Variants in FNDC3A observed in about 807,000 individuals in gnomAD.
FNDC3A encodes fibronectin type III domain containing 3A.
Under a neutral mutation model 148.9 loss-of-function variants are expected in FNDC3A, and 32 were observed. The observed-to-expected ratio is 0.21, with a 90% CI of 0.16 to 0.29. The LOEUF is 0.29. Among genes scored for constraint, FNDC3A ranks in the 10% least tolerant of loss-of-function variants. The pLI, the probability that FNDC3A is intolerant of heterozygous loss-of-function variation, is 1.00. For synonymous variants in FNDC3A, 472 were observed against 473.6 expected (o/e 1.00, Z 0.04); for missense variants, 1,191 against 1,452.8 (o/e 0.82, Z 2.93).
At position 49,003,720 on chromosome 13, in the gene FNDC3A, C is replaced by T. The variant is rs1593458199; in HGVS notation, c.-39-2432C>T. ...TCTGCAACCTCTCTGACATTTAAAA[C>T]AACATTGTTTAATTTGACACTAATT... On this transcript the variant is annotated intron_variant, in intron 1 of 25. Transcript: ENST00000492622. Among the ~76,000 whole-genome samples the T allele has an allele frequency of 2.0e-5, 3 of 152,120 alleles. No individual in the cohort carries two copies. The East Asian group carries it at 5.8e-4, about 29-fold the overall frequency.
rs535819057 is a variant in FNDC3A at position 49,008,493 on chromosome 13, A to G, written c.99+2204A>G. Among the ~76,000 whole-genome samples the G allele has an allele frequency of 3.9e-5, 6 of 152,278 alleles. No individual in the cohort carries two copies. In the South Asian group the frequency reaches 6.2e-4, roughly 16 times the overall value. On this transcript the variant is annotated intron_variant, in intron 2 of 25. Coordinates refer to ENST00000492622, the MANE Select transcript of FNDC3A (RefSeq NM_001079673.2). ...ACAAGCATGATGTTAAAAATTCAAG[A>G]CGACATATTTTGTCCCTTGTCTTGA...
chr13:49,189,822 G>T (rs1300140393), intron 17 of FNDC3A, among the ~76,000 whole-genome samples: 1 of 152,186 alleles, frequency 6.6e-6, no homozygotes, highest in Non-Finnish European at 1.5e-5. Flanking sequence ...CAAATATTTT[G>T]TGTTTAAAAA....
At chr13:49,049,475 A>G (rs756729549) in intron 2 of FNDC3A, among the ~76,000 whole-genome samples, 8 of 151,184 alleles carry the variant, frequency 5.3e-5, no homozygotes, top group East Asian at 1.9e-4. Flanking sequence ...TTCATTACCA[A>G]TTCAGCCTCT....
chr13:49,140,481 AT>A (rs1449991359), intron 7 of FNDC3A, among the ~76,000 whole-genome samples: 1 of 152,102 alleles, frequency 6.6e-6, no homozygotes, highest in Non-Finnish European at 1.5e-5. Context: ...TGATGGTTTT[AT>A]TTGCTTTGTT....
intron 14 of FNDC3A, among the ~76,000 whole-genome samples, chr13:49,181,588 G>T (rs1019173460): frequency 6.6e-6 from 1 of 152,178 alleles, no homozygotes; most frequent in Non-Finnish European, 1.5e-5. Flanking sequence ...TTTTAAATCT[G>T]CCATGTGCAG....
At chr13:49,137,186 T>A (rs1882419667) in intron 6 of FNDC3A, among the ~76,000 whole-genome samples, 1 of 152,126 alleles carries the variant, frequency 6.6e-6, no homozygotes, top group Non-Finnish European at 1.5e-5. Context: ...AGCAAATAGT[T>A]ATATCATTTA....
chr13:49,054,163 G>A (rs1468878329), intron 2 of FNDC3A, among the ~76,000 whole-genome samples: 1 of 152,136 alleles, frequency 6.6e-6, no homozygotes, highest in Non-Finnish European at 1.5e-5. Context: ...GTTCAGTTGG[G>A]TCCTCTTGGC....
intron 3 of FNDC3A, among the ~76,000 whole-genome samples, chr13:49,081,838 T>C (rs544557317): frequency 1.3e-5 from 2 of 152,192 alleles, no homozygotes; most frequent in Non-Finnish European, 2.9e-5. Flanking sequence ...CAGACTTTCT[T>C]ATATACCTTT....
In FNDC3A at chr13:49,091,219, C is replaced by CA. The variant is rs149324377; in HGVS notation, c.175+15862dup. ...TTAGATTTAAATGTCCAGTTTTCAACAAAAAAAGATTACAAGGCATACAAA... is the reference window on the plus strand; with the variant it reads ...TTAGATTTAAATGTCCAGTTTTCAACAAAAAAAAGATTACAAGGCATACAAA... On this transcript the variant is annotated intron_variant, in intron 3 of 25. Transcript: ENST00000492622. Among the ~76,000 whole-genome samples, 488 of 146,646 alleles carry CA rather than the reference C, an allele frequency of 3.3e-3. 3 individuals carry two copies. Among genetic ancestry groups the CA allele is most frequent in the African/African-American group, 0.011 (448 of 39,806 alleles).
At chr13:49,185,661 A>C (rs552371686) in intron 14 of FNDC3A, among the ~76,000 whole-genome samples, 28 of 152,344 alleles carry the variant, frequency 1.8e-4, no homozygotes, top group African/African-American at 6.5e-4. Context: ...AAGCAAGCCT[A>C]AAGCCCATGA....
chr13:49,047,194 C>T (rs1362673072), intron 2 of FNDC3A, among the ~76,000 whole-genome samples: 2 of 151,256 alleles, frequency 1.3e-5, no homozygotes, highest in African/African-American at 2.4e-5. Flanking sequence ...GTATATATGC[C>T]ACATTTTCTT....
At chr13:49,129,848 A>G (rs1881924312) in intron 4 of FNDC3A, among the ~76,000 whole-genome samples, 1 of 152,200 alleles carries the variant, frequency 6.6e-6, no homozygotes, top group Non-Finnish European at 1.5e-5. Context: ...AGGCTTATCT[A>G]TACCCAGATA....
intron 3 of FNDC3A, among the ~76,000 whole-genome samples, chr13:49,092,659 G>A (rs544123060): frequency 5.9e-5 from 9 of 151,984 alleles, no homozygotes; most frequent in Non-Finnish European, 1.0e-4. Flanking sequence ...TCACACAGGA[G>A]CATGCATACA....
At position 49,078,418 on chromosome 13, in the gene FNDC3A, T is replaced by G. The variant is rs532816994; in HGVS notation, c.175+3054T>G. Among the ~76,000 whole-genome samples the G allele has an allele frequency of 4.6e-4, 70 of 152,316 alleles. 1 individual carries two copies. The South Asian group carries it at 6.6e-3, about 14-fold the overall frequency. ...TTAGGCAGGGACACATTTCTCTGCTTCAGTGGGAAATGGATTCCTTTCTCT... is the reference window on the plus strand; with the variant it reads ...TTAGGCAGGGACACATTTCTCTGCTGCAGTGGGAAATGGATTCCTTTCTCT... On this transcript the variant is annotated intron_variant, in intron 3 of 25. Coordinates refer to ENST00000492622, the MANE Select transcript of FNDC3A (RefSeq NM_001079673.2).
chr13:48,975,990 G>A lies in FNDC3A; in HGVS notation c.-227G>A, dbSNP rs1951590753. The stretch of plus-strand genomic sequence containing the variant: ...AAACAGAAAGCGGGAGCTACGCGGA[G>A]AGGGAGCGAAGAGCGGGGCTGAGGC... On this transcript the variant is annotated 5_prime_UTR_variant, in exon 1 of 26. Coordinates refer to ENST00000492622, the MANE Select transcript of FNDC3A (RefSeq NM_001079673.2). 6.5e-6 allele frequency: 1 copy of A among 153,054 alleles called. No homozygotes were observed. Among genetic ancestry groups the A allele is most frequent in the South Asian group, 2.1e-4 (1 of 4,840 alleles). 9.5% of individuals were successfully genotyped at this position (153,054 alleles called of 1,614,324 possible). A position where few individuals can be genotyped will look rare whatever the true frequency, so the allele number is the denominator to read the frequency against.
chr13:49,072,343 G>A (rs1025172948), intron 2 of FNDC3A, among the ~76,000 whole-genome samples: 3 of 151,886 alleles, frequency 2.0e-5, no homozygotes, highest in Non-Finnish European at 2.9e-5. Flanking sequence ...TCATGTCAAG[G>A]CTAGGTGAAA....
At chr13:49,076,315 G>C (rs1878108397) in intron 3 of FNDC3A, among the ~76,000 whole-genome samples, 2 of 151,854 alleles carry the variant, frequency 1.3e-5, no homozygotes, top group Non-Finnish European at 2.9e-5. Flanking sequence ...CTCAATCTTA[G>C]CTCATTGCAA....
At chr13:48,985,476 T>C (rs533793327) in intron 1 of FNDC3A, among the ~76,000 whole-genome samples, 4 of 152,258 alleles carry the variant, frequency 2.6e-5, no homozygotes, top group South Asian at 4.2e-4. Flanking sequence ...AAATGTATGA[T>C]GGGAAACTGG....
At chr13:49,102,536 A>G (rs1448562142) in intron 3 of FNDC3A, among the ~76,000 whole-genome samples, 2 of 152,194 alleles carry the variant, frequency 1.3e-5, no homozygotes, top group African/African-American at 4.8e-5. Flanking sequence ...AACAAGACTT[A>G]ACTTCATACC....
Sources: gnomAD v4.1 joint callset for allele counts (sites outside exome capture counted in the v4.1 genomes callset) on GRCh38, gnomAD v4.1.1 for gene constraint, MANE v1.5 for transcripts, NCBI Gene and HGNC (gene_info 2026-07-23, HGNC 2026-07-21) for gene names.